Variants in CDKAL1 observed in about 807,000 individuals in gnomAD.
CDKAL1 encodes the protein CDKAL1 threonylcarbamoyladenosine tRNA methylthiotransferase.
In CDKAL1, 32 loss-of-function variants were observed where a neutral mutation model predicts 68.2. That is an observed-to-expected ratio of 0.47 (90% CI 0.35 to 0.63). The LOEUF is 0.63. CDKAL1 is among the 30% of genes least tolerant of loss of function. The pLI, the probability that CDKAL1 is intolerant of heterozygous loss-of-function variation, is 0.00. For synonymous variants in CDKAL1, 234 were observed against 244.3 expected (o/e 0.96, Z 0.39); for missense variants, 606 against 696.7 (o/e 0.87, Z 1.47).
At position 20,662,171 on chromosome 6, in the gene CDKAL1, T is replaced by G. The variant is rs374400924; in HGVS notation, c.371+12794T>G. Among the ~76,000 whole-genome samples, 25 of 152,298 alleles carry G rather than the reference T, an allele frequency of 1.6e-4. 1 individual carries two copies. The highest frequency in any genetic ancestry group is 5.5e-4 in the African/African-American group (23 of 41,584). ...CTTTCATAATTTTTAGTCAGTAGTATTGTTTAATAACTGATAATAAGTGAA... is the reference window on the plus strand; with the variant it reads ...CTTTCATAATTTTTAGTCAGTAGTAGTGTTTAATAACTGATAATAAGTGAA... On this transcript the variant is annotated intron_variant, in intron 5 of 15. Coordinates refer to ENST00000274695, the MANE Select transcript of CDKAL1 (RefSeq NM_017774.3).
intron 9 of CDKAL1, among the ~76,000 whole-genome samples, chr6:20,915,159 A>G (rs1762664058): frequency 6.7e-6 from 1 of 149,314 alleles, no homozygotes. Flanking sequence ...CAGATTATTT[A>G]TATAATGGCA....
intron 4 of CDKAL1, among the ~76,000 whole-genome samples, chr6:20,581,719 T>C (rs774940892): frequency 6.6e-5 from 10 of 152,196 alleles, no homozygotes; most frequent in Non-Finnish European, 1.2e-4. Flanking sequence ...CATTAAAATA[T>C]AATCTCCAGT....
At chr6:20,895,828 A>G (rs1761652334) in intron 9 of CDKAL1, among the ~76,000 whole-genome samples, 1 of 152,140 alleles carries the variant, frequency 6.6e-6, no homozygotes, top group Admixed American at 6.5e-5. Flanking sequence ...TACTATGGCA[A>G]TATGCATATT....
At chr6:21,196,696 GGT>G (rs375160669) in intron 13 of CDKAL1, among the ~76,000 whole-genome samples, 1 of 152,288 alleles carries the variant, frequency 6.6e-6, no homozygotes, top group Non-Finnish European at 1.5e-5. Flanking sequence ...GCCTGAACAT[GGT>G]GACAAGTCCC....
intron 4 of CDKAL1, among the ~76,000 whole-genome samples, chr6:20,635,893 T>G (rs1767884178): frequency 6.6e-6 from 1 of 152,218 alleles, no homozygotes. Flanking sequence ...CTTTAGTATT[T>G]TTTATAGTAG....
intron 10 of CDKAL1, among the ~76,000 whole-genome samples, chr6:20,981,833 T>G (rs1013046582): frequency 6.6e-6 from 1 of 152,188 alleles, no homozygotes; most frequent in Non-Finnish European, 1.5e-5. Context: ...ACTGCGAGTC[T>G]GTCTCAAAAA....
At chr6:20,947,300 G>A (rs1024646455) in intron 9 of CDKAL1, among the ~76,000 whole-genome samples, 2 of 152,174 alleles carry the variant, frequency 1.3e-5, no homozygotes, top group African/African-American at 4.8e-5. Context: ...AGTTGAAAAT[G>A]CATTTAAAGG....
chr6:20,729,449 T>C (rs1409797484), intron 5 of CDKAL1, among the ~76,000 whole-genome samples: 1 of 152,226 alleles, frequency 6.6e-6, no homozygotes, highest in Non-Finnish European at 1.5e-5. Flanking sequence ...TGTACCCTCT[T>C]TATAAAAATT....
At chr6:20,849,545 T>A (rs1232628595) in intron 9 of CDKAL1, among the ~76,000 whole-genome samples, 1 of 135,424 alleles carries the variant, frequency 7.4e-6, no homozygotes, top group Non-Finnish European at 1.5e-5. Flanking sequence ...ATTGCGCCAC[T>A]GAACTCGAGC....
intron 11 of CDKAL1, among the ~76,000 whole-genome samples, chr6:21,017,124 C>G (rs1414231546): frequency 6.6e-6 from 1 of 152,190 alleles, no homozygotes; most frequent in Non-Finnish European, 1.5e-5. Flanking sequence ...TATAGATTAT[C>G]TCTCCATTAT....
intron 10 of CDKAL1, among the ~76,000 whole-genome samples, chr6:20,956,782 G>T (rs1021399896): frequency 2.6e-5 from 4 of 151,820 alleles, no homozygotes; most frequent in South Asian, 2.1e-4. Context: ...TTAATAATTT[G>T]GCTGCTAATT....
At chr6:21,085,022 G>A (rs1772617178) in intron 12 of CDKAL1, among the ~76,000 whole-genome samples, 1 of 152,138 alleles carries the variant, frequency 6.6e-6, no homozygotes, top group African/African-American at 2.4e-5. Context: ...TAATTTGTCA[G>A]GTACCTGAAA....
In CDKAL1 at chr6:21,156,675, G is replaced by A. The variant is rs544027553; in HGVS notation, c.1300-41346G>A. Reference sequence around the variant, plus strand: ...GAAACGGGAATGGGAGGTTTAGAAGGAAGAACGATGGATGTAAGGAAGATA... The same window carrying A: ...GAAACGGGAATGGGAGGTTTAGAAGAAAGAACGATGGATGTAAGGAAGATA... On this transcript the variant is annotated intron_variant, in intron 13 of 15. Transcript: ENST00000274695. 2.6e-5 allele frequency among the ~76,000 whole-genome samples: 4 copies of A among 152,198 alleles called. No homozygotes were observed. The South Asian group carries it at 6.2e-4, about 24-fold the overall frequency.
chr6:21,184,403 C>G (rs911938026), intron 13 of CDKAL1, among the ~76,000 whole-genome samples: 1 of 152,096 alleles, frequency 6.6e-6, no homozygotes, highest in Non-Finnish European at 1.5e-5. Context: ...CCATGTTGGC[C>G]AGGCTGGTCT....
chr6:20,996,230 G>A (rs1254478409), intron 10 of CDKAL1, among the ~76,000 whole-genome samples: 1 of 152,210 alleles, frequency 6.6e-6, no homozygotes, highest in African/African-American at 2.4e-5. Flanking sequence ...TCAGCAATAA[G>A]GCTGTTTGAC....
intron 11 of CDKAL1, among the ~76,000 whole-genome samples, chr6:21,050,046 G>C (rs1354477336): frequency 6.6e-6 from 1 of 151,920 alleles, no homozygotes; most frequent in Non-Finnish European, 1.5e-5. Context: ...CTTTAAAAAG[G>C]TAAAATTGTA....
rs764557845 is a variant in CDKAL1 at position 20,916,808 on chromosome 6, C to T, written c.743-38611C>T. ...ACCATCTCCTTTCTATCAATTATTACCAGTTCTTCCTTAAAAGAAAGGTCT... is the reference window on the plus strand; with the variant it reads ...ACCATCTCCTTTCTATCAATTATTATCAGTTCTTCCTTAAAAGAAAGGTCT... On this transcript the variant is annotated intron_variant, in intron 9 of 15. Transcript: ENST00000274695. 3.1e-4 allele frequency among the ~76,000 whole-genome samples: 47 copies of T among 152,168 alleles called. 1 individual carries two copies. Among genetic ancestry groups the T allele is most frequent in the Non-Finnish European group, 2.5e-4 (17 of 68,014 alleles).
intron 9 of CDKAL1, among the ~76,000 whole-genome samples, chr6:20,925,016 T>C (rs1252027345): frequency 6.6e-6 from 1 of 152,212 alleles, no homozygotes; most frequent in Non-Finnish European, 1.5e-5. Flanking sequence ...AAAATGCTCA[T>C]GCTACAGAGA....
At chr6:20,792,484 A>G (rs1460285433) in intron 8 of CDKAL1, among the ~76,000 whole-genome samples, 3 of 152,190 alleles carry the variant, frequency 2.0e-5, no homozygotes, top group Admixed American at 2.0e-4. Context: ...TGTGAAATAT[A>G]TTTTATGTAC....
Sources: allele counts gnomAD v4.1 joint callset (sites outside exome capture counted in the v4.1 genomes callset), GRCh38; gene constraint gnomAD v4.1.1; transcripts MANE v1.5; gene names NCBI Gene and HGNC (gene_info 2026-07-23, HGNC 2026-07-21).